CADPS: variants seen among roughly 807,000 people sequenced by gnomAD.
The protein encoded by CADPS is calcium-dependent secretion activator 1.
In CADPS, 57 loss-of-function variants were observed where a neutral mutation model predicts 167.3. That is an observed-to-expected ratio of 0.34 (90% confidence interval 0.28 to 0.42). The LOEUF (loss-of-function observed/expected upper bound fraction) is 0.42, where lower values mean the gene tolerates loss of function less well. CADPS is among the 20% of genes least tolerant of loss of function. The pLI, the probability that CADPS is intolerant of heterozygous loss-of-function variation, is 1.00. For synonymous variants in CADPS, 676 were observed against 635.3 expected, an observed-to-expected ratio of 1.06 and a Z score of -0.96; for missense variants, 1,414 against 1,738.1, an observed-to-expected ratio of 0.81 and a Z score of 3.32.
At chr3:62,683,872 G>A (rs1457299163) in intron 3 of CADPS, among the ~76,000 whole-genome samples, 3 of 151,964 alleles carry the variant, frequency 2.0e-5, no homozygotes, top group Admixed American at 1.3e-4. Context: ...TGGGTTTGGG[G>A]GATGAAGACT....
At chr3:62,515,432 T>C (rs2068744553) in intron 16 of CADPS, among the ~76,000 whole-genome samples, 2 of 152,048 alleles carry the variant, frequency 1.3e-5, no homozygotes, top group South Asian at 4.1e-4. Context: ...CCTTTGGTGA[T>C]TACTGGGTCA....
At chr3:62,555,158 A>T (rs1397399371) in intron 10 of CADPS, among the ~76,000 whole-genome samples, 1 of 152,260 alleles carries the variant, frequency 6.6e-6, no homozygotes, top group Non-Finnish European at 1.5e-5. Flanking sequence ...AATAGGACTT[A>T]GCACATGGAA....
chr3:62,746,120 C>G (rs990205724), intron 3 of CADPS, among the ~76,000 whole-genome samples: 3 of 152,130 alleles, frequency 2.0e-5, no homozygotes, highest in Non-Finnish European at 4.4e-5. Flanking sequence ...TGTTTGGATG[C>G]CTCCCACAGT....
chr3:62,549,763 C>T, intron 11 of CADPS, 140 bp downstream of exon 11: 1 of 673,622 alleles, frequency 1.5e-6, no homozygotes. Flanking sequence ...CCCCAACTTT[C>T]CCCCTGAATT....
chr3:62,534,810 T>C (rs1478040696), intron 12 of CADPS, among the ~76,000 whole-genome samples: 1 of 152,170 alleles, frequency 6.6e-6, no homozygotes, highest in Non-Finnish European at 1.5e-5. Context: ...TTTGGAATAA[T>C]GACTAATATA....
At chr3:62,439,736 A>C (rs2149798487) in intron 27 of CADPS, 1 of 152,298 alleles carries the variant, frequency 6.6e-6, no homozygotes, top group South Asian at 2.1e-4. Context: ...GCTTGTGGCA[A>C]TATGGCCTTT....
intron 1 of CADPS, among the ~76,000 whole-genome samples, chr3:62,818,998 C>T (rs1442549471): frequency 6.6e-6 from 1 of 151,574 alleles, no homozygotes; most frequent in Non-Finnish European, 1.5e-5. Flanking sequence ...GAGATAAGAA[C>T]AGTTACTGGC....
rs1367279350 is a variant in CADPS, at chr3:62,407,545, C to T, written c.3778-4360G>A. On this transcript the variant is annotated intron_variant, in intron 28 of 29. Coordinates refer to ENST00000383710, the MANE Select transcript of CADPS (RefSeq NM_003716.4). ...TAGCTGGGTAACCTCAAGGAAATTA[C>T]TTAATTCTCTGATCCTCAGTCTCCT... is the stretch of plus-strand genomic sequence containing the variant. Among the ~76,000 whole-genome samples the T allele has an allele frequency of 2.0e-5, 3 of 152,176 alleles. No homozygotes were observed. The East Asian group carries it at 5.8e-4, about 29-fold the overall frequency.
In CADPS at chr3:62,602,072, T is replaced by A. The variant is rs1001185233; in HGVS notation, c.1326-9324A>T. ...TACACACAGTAATTTTCATTAGAAT[T>A]TTTCCCCCCATGAACAAAAAACAAC... On this transcript the variant is annotated intron_variant, in intron 6 of 29. Coordinates refer to ENST00000383710, the MANE Select transcript of CADPS (RefSeq NM_003716.4). The surrounding 1 kb of genome is among the most constrained non-coding windows in gnomAD (Gnocchi z 4.4). Among the ~76,000 whole-genome samples the A allele has an allele frequency of 1.3e-5, 2 of 151,996 alleles. No individual in the cohort carries two copies. Among genetic ancestry groups the A allele is most frequent in the African/African-American group, 4.8e-5 (2 of 41,366 alleles).
intron 2 of CADPS, among the ~76,000 whole-genome samples, chr3:62,764,113 G>A (rs2086249159): frequency 6.6e-6 from 1 of 152,168 alleles, no homozygotes; most frequent in Non-Finnish European, 1.5e-5. Flanking sequence ...TCTGGTGAAT[G>A]ACTCTAAATA....
intron 27 of CADPS, 84 bp downstream of exon 27, chr3:62,445,681 C>CA: frequency 1.0e-6 from 1 of 961,158 alleles, no homozygotes; most frequent in Non-Finnish European, 1.4e-6. Context: ...GTAGCACTAT[C>CA]AAAATTCTCA....
intron 1 of CADPS, among the ~76,000 whole-genome samples, chr3:62,865,675 G>A (rs531167931): frequency 6.6e-6 from 1 of 152,064 alleles, no homozygotes; most frequent in Non-Finnish European, 1.5e-5. Flanking sequence ...CTAGTGAAAT[G>A]TATCAGAAAA....
intron 1 of CADPS, among the ~76,000 whole-genome samples, chr3:62,839,031 G>C (rs2076277660): frequency 6.6e-6 from 1 of 152,190 alleles, no homozygotes; most frequent in Non-Finnish European, 1.5e-5. Flanking sequence ...AATAAACACA[G>C]ATAATTATAA....
intron 1 of CADPS, among the ~76,000 whole-genome samples, chr3:62,772,240 A>G (rs2089048843): frequency 6.6e-6 from 1 of 152,122 alleles, no homozygotes; most frequent in Non-Finnish European, 1.5e-5. Flanking sequence ...TTTTGAAGGT[A>G]TCACTGATGT....
At chr3:62,508,755 C>T (rs2067152641) in intron 17 of CADPS, among the ~76,000 whole-genome samples, 1 of 152,116 alleles carries the variant, frequency 6.6e-6, no homozygotes. Context: ...ACTAAATTCT[C>T]AATAAACAAC....
chr3:62,588,433 C>T (rs993908416), intron 7 of CADPS, among the ~76,000 whole-genome samples: 1 of 151,602 alleles, frequency 6.6e-6, no homozygotes. Context: ...GTGCACAGGA[C>T]AAATGATTGG....
In CADPS at chr3:62,602,929, C is replaced by G. The variant is rs1562774230; in HGVS notation, c.1326-10181G>C. ...ATGTCCGTCTTGTCACCGGATCTTTCAAATCCCCTACGTATATCACAAATC... is the reference window on the plus strand; with the variant it reads ...ATGTCCGTCTTGTCACCGGATCTTTGAAATCCCCTACGTATATCACAAATC... On this transcript the variant is annotated intron_variant, in intron 6 of 29. Coordinates refer to ENST00000383710, the MANE Select transcript of CADPS (RefSeq NM_003716.4). The surrounding 1 kb of genome is among the most constrained non-coding windows in gnomAD (Gnocchi z 4.4). Among the ~76,000 whole-genome samples, 1 of 152,270 alleles carries G rather than the reference C, an allele frequency of 6.6e-6. No homozygotes were observed. Among genetic ancestry groups the G allele is most frequent in the Non-Finnish European group, 1.5e-5 (1 of 68,026 alleles).
At chr3:62,653,790 T>A (rs1029862717) in intron 4 of CADPS, among the ~76,000 whole-genome samples, 2 of 152,136 alleles carry the variant, frequency 1.3e-5, no homozygotes, top group Non-Finnish European at 2.9e-5. Context: ...ACCGAGATTC[T>A]GCTTTTCCAT....
At chr3:62,869,016 A>G (rs2082178872) in intron 1 of CADPS, among the ~76,000 whole-genome samples, 1 of 152,116 alleles carries the variant, frequency 6.6e-6, no homozygotes, top group Admixed American at 6.6e-5. Context: ...CCTTATCCTC[A>G]GTGCTTGAGA....
Sources: gnomAD v4.1 joint callset for allele counts (sites outside exome capture counted in the v4.1 genomes callset) on GRCh38, gnomAD v4.1.1 for gene constraint, Gnocchi (gnomAD v3.1) non-coding constraint, MANE v1.5 for transcripts, NCBI Gene and HGNC (gene_info 2026-07-23, HGNC 2026-07-21) for gene names.